AP4E1: variants seen among roughly 807,000 people sequenced by gnomAD.
The protein encoded by AP4E1 is AP-4 complex subunit epsilon-1.
In AP4E1, 56 loss-of-function variants were observed where a neutral mutation model predicts 128.2. The observed-to-expected ratio is 0.44, with a 90% CI of 0.35 to 0.55. The LOEUF (loss-of-function observed/expected upper bound fraction) is 0.55, where lower values mean the gene tolerates loss of function less well. Ranked by LOEUF, AP4E1 falls within the 20% of genes least tolerant of loss-of-function variation. The probability of loss-of-function intolerance (pLI) is 0.00; values close to 1 mark genes in which losing one functional copy is unlikely to be tolerated. For synonymous variants in AP4E1, 484 were observed against 473.1 expected (o/e 1.02, Z -0.30); for missense variants, 1,324 against 1,307.7 (o/e 1.01, Z -0.19).
Position 50,958,919 on chromosome 15 carries a change from A to C in AP4E1, c.1851+125A>C, listed in dbSNP as rs574574488. 3.8e-5 allele frequency: 41 copies of C among 1,070,518 alleles called. No individual in the cohort carries two copies. The South Asian group carries it at 4.8e-4, about 13-fold the overall frequency. 66.3% of individuals were successfully genotyped at this position (1,070,518 alleles called of 1,614,324 possible). ...CTGTAGCATTTAAGGTGAATGTTGG[A>C]GTTCCTTTTCACATTAGTATGACAG... is the stretch of plus-strand genomic sequence containing the variant. On this transcript the variant is annotated intron_variant, in intron 14 of 20. Coordinates refer to ENST00000261842, the MANE Select transcript of AP4E1 (RefSeq NM_007347.5).
intron 10 of AP4E1, among the ~76,000 whole-genome samples, chr15:50,942,076 G>A (rs2141176160): frequency 6.6e-6 from 1 of 151,968 alleles, no homozygotes; most frequent in African/African-American, 2.4e-5. Context: ...GCCACCACGC[G>A]TGGCTAATTT....
At chr15:50,980,757 T>C (rs2064632736) in intron 15 of AP4E1, among the ~76,000 whole-genome samples, 1 of 152,152 alleles carries the variant, frequency 6.6e-6, no homozygotes, top group South Asian at 2.1e-4. Context: ...GCTCCCTGTG[T>C]TCTGGTACAG....
chr15:50,937,604 A>G (rs1332206138), intron 8 of AP4E1, among the ~76,000 whole-genome samples: 3 of 152,206 alleles, frequency 2.0e-5, no homozygotes, highest in Admixed American at 6.5e-5. Flanking sequence ...GGAAATAAGT[A>G]TTGTAGGAGT....
chr15:50,965,393 G>C (rs1239683690), intron 14 of AP4E1, among the ~76,000 whole-genome samples: 1 of 152,244 alleles, frequency 6.6e-6, no homozygotes, highest in East Asian at 1.9e-4. Context: ...GGGTGTGCCA[G>C]TCCTTGGGCC....
intron 14 of AP4E1, among the ~76,000 whole-genome samples, chr15:50,964,914 T>C (rs1173903338): frequency 6.7e-6 from 1 of 148,460 alleles, no homozygotes; most frequent in Non-Finnish European, 1.5e-5. Flanking sequence ...GAGTGAGTTC[T>C]TGAGAGATCT....
At chr15:50,964,988 C>CACAT (rs2064368970) in intron 14 of AP4E1, among the ~76,000 whole-genome samples, 1 of 151,280 alleles carries the variant, frequency 6.6e-6, no homozygotes, top group Admixed American at 6.6e-5. Flanking sequence ...CACACACACA[C>CACAT]ACACTGGACT....
At chr15:50,966,259 T>C (rs1403575666) in intron 14 of AP4E1, among the ~76,000 whole-genome samples, 1 of 152,194 alleles carries the variant, frequency 6.6e-6, no homozygotes, top group Non-Finnish European at 1.5e-5. Flanking sequence ...TCATATTAGC[T>C]GAGAAAGAGA....
chr15:50,990,331 ATTAT>A (rs1160977398), intron 16 of AP4E1, among the ~76,000 whole-genome samples: 2 of 129,824 alleles, frequency 1.5e-5, no homozygotes, highest in East Asian at 5.3e-4. Flanking sequence ...CCCATTTTTT[ATTAT>A]TTATTTAATT....
At chr15:50,939,526 T>C (rs922199140) in intron 8 of AP4E1, among the ~76,000 whole-genome samples, 1 of 151,896 alleles carries the variant, frequency 6.6e-6, no homozygotes, top group East Asian at 1.9e-4. Flanking sequence ...TACTTAGATA[T>C]TTGTAGAGTT....
At chr15:50,941,415 C>A in intron 8 of AP4E1, 27 bp from the exon 9 acceptor site, 1 of 1,608,174 alleles carries the variant, frequency 6.2e-7, no homozygotes, top group South Asian at 1.1e-5. Context: ...ACCATGATAC[C>A]TGCCATTTTT....
intron 2 of AP4E1, 68 bp downstream of exon 2, chr15:50,912,217 C>A: frequency 7.5e-7 from 1 of 1,331,166 alleles, no homozygotes; most frequent in Middle Eastern, 1.8e-4. Flanking sequence ...TCAATAGTGG[C>A]ATCTAACTGA....
At chr15:50,913,282 A>G (rs1363265237) in intron 2 of AP4E1, among the ~76,000 whole-genome samples, 1 of 152,234 alleles carries the variant, frequency 6.6e-6, no homozygotes, top group Non-Finnish European at 1.5e-5. Context: ...GTCTGTGGCT[A>G]TGGATAAAAT....
chr15:50,997,330 GA>G lies in AP4E1; in HGVS notation c.2355del (p.Ala786GlnfsTer28). 1 of 1,589,994 alleles carries G rather than the reference GA, an allele frequency of 6.3e-7. No homozygotes were observed. Among genetic ancestry groups the G allele is most frequent in the South Asian group, 1.2e-5 (1 of 85,246 alleles). ...LGSESTINLL[G>X]KADTVSHKFR... ...TATTATGTTTTATTTTTGCAGCTGG[GA>G]AAAGCAGATACTGTCTCTCACAAGT... On this transcript the variant is annotated frameshift_variant, in exon 18 of 21. Coordinates refer to ENST00000261842, the MANE Select transcript of AP4E1 (RefSeq NM_007347.5). LOFTEE classifies it high-confidence loss of function.
chr15:50,960,194 C>T (rs1481566644), intron 14 of AP4E1, among the ~76,000 whole-genome samples: 1 of 152,142 alleles, frequency 6.6e-6, no homozygotes, highest in Admixed American at 6.5e-5. Flanking sequence ...TGACACATCA[C>T]TTTCGGAATA....
intron 17 of AP4E1, among the ~76,000 whole-genome samples, chr15:50,995,035 A>G (rs2064850262): frequency 6.6e-6 from 1 of 152,122 alleles, no homozygotes; most frequent in Admixed American, 6.5e-5. Flanking sequence ...ATTGTGTTGT[A>G]ACTTAGATGC....
At chr15:50,931,008 A>C (rs766772742) in intron 7 of AP4E1, 37 bp downstream of exon 7, 2 of 1,609,634 alleles carry the variant, frequency 1.2e-6, no homozygotes, top group Admixed American at 3.3e-5. Flanking sequence ...AATGACCCCC[A>C]TACCAGATGA....
At position 50,929,075 on chromosome 15, in the gene AP4E1, A is replaced by G. The variant is rs1178191336; in HGVS notation, c.609A>G (p.Val203=). 1 of 1,613,800 alleles carries G rather than the reference A, an allele frequency of 6.2e-7. No homozygotes were observed. Among genetic ancestry groups the G allele is most frequent in the African/African-American group, 1.3e-5 (1 of 74,916 alleles). The change falls in exon 6 of 21, where the codon GTA becomes GTG. Residue 203 remains valine, a synonymous_variant. Transcript: ENST00000261842. ...YKFHLIAPNQ[V]QHIHIKFRKA... ...TCCATCTCATTGCTCCTAATCAAGT[A>G]CAACATATTCATATTAAGTTTCGGA...
chr15:50,999,584 C>T (rs1450605790), intron 19 of AP4E1, among the ~76,000 whole-genome samples: 5 of 152,156 alleles, frequency 3.3e-5, no homozygotes, highest in East Asian at 3.9e-4. Flanking sequence ...TAAATAACTC[C>T]GAAGATTCTG....
chr15:50,911,962 AAAT>A, intron 1 of AP4E1, 113 bp from the exon 2 acceptor site: 3 of 884,972 alleles, frequency 3.4e-6, no homozygotes, highest in Non-Finnish European at 5.4e-6. Context: ...CTCTCCTTTA[AAAT>A]AATGTTTCTT....
Sources: allele counts gnomAD v4.1 joint callset (sites outside exome capture counted in the v4.1 genomes callset), GRCh38; gene constraint gnomAD v4.1.1; transcripts MANE v1.5; gene names NCBI Gene and HGNC (gene_info 2026-07-23, HGNC 2026-07-21).